Variants in NOVA2 observed in about 807,000 individuals in gnomAD.
The protein encoded by NOVA2 is RNA-binding protein Nova-2.
In NOVA2, 9 loss-of-function variants were observed where a neutral mutation model predicts 22.5. The observed-to-expected ratio is 0.40, with a 90% confidence interval of 0.24 to 0.70. NOVA2 has a LOEUF of 0.70. Among genes scored for constraint, NOVA2 ranks in the 30% least tolerant of loss-of-function variants. The pLI, the probability that NOVA2 is intolerant of heterozygous loss-of-function variation, is 0.38. For synonymous variants in NOVA2, 318 were observed against 335.2 expected (o/e 0.95, Z 0.56); for missense variants, 383 against 682.8 (o/e 0.56, Z 4.89).
At chr19:45,943,653 G>A (rs1967794748) in intron 3 of NOVA2, among the ~76,000 whole-genome samples, 2 of 151,738 alleles carry the variant, frequency 1.3e-5, no homozygotes, top group Non-Finnish European at 2.9e-5. Flanking sequence ...GGGAGGTATA[G>A]GCTACAGTGA....
chr19:45,960,937 C>T, intron 2 of NOVA2, 73 bp downstream of exon 2: 1 of 1,466,718 alleles, frequency 6.8e-7, no homozygotes, highest in South Asian at 1.3e-5. Context: ...TCCCCCTCAT[C>T]TAGGGCCCAG....
intron 1 of NOVA2, chr19:45,967,744 C>A (rs1968184638): frequency 6.6e-6 from 1 of 152,096 alleles, no homozygotes. Flanking sequence ...GAGTTTGAGA[C>A]CAGCCTGGCC....
At chr19:45,971,080 G>A (rs11882900) in intron 1 of NOVA2, among the ~76,000 whole-genome samples, 1,691 of 150,998 alleles carry the variant, frequency 0.011, 35 homozygotes, top group African/African-American at 0.039. Context: ...CCTTGGGCAA[G>A]CGGTTTCATT....
At chr19:45,941,511 C>T (rs186382773) in intron 3 of NOVA2, among the ~76,000 whole-genome samples, 40 of 152,046 alleles carry the variant, frequency 2.6e-4, no homozygotes, top group Admixed American at 1.3e-3. Context: ...CGCCCCAGGT[C>T]ATTCCCTACC....
Position 45,936,893 on chromosome 19 carries a change from A to G in NOVA2, c.*2970T>C, listed in dbSNP as rs1600591952. The G allele has an allele frequency of 9.1e-6, 1 of 110,348 alleles. No homozygotes were observed. Among genetic ancestry groups the G allele is most frequent in the African/African-American group, 3.2e-5 (1 of 31,220 alleles). The allele number at this position is 110,348 out of a possible 1,614,324, so 6.8% of individuals were successfully genotyped here. A position where few individuals can be genotyped will look rare whatever the true frequency, so the allele number is the denominator to read the frequency against. ...CGGATTGGCTAATAGGGAGACGGGG[A>G]AAAAAAAAGAGATGATGGGTTTTTC... On this transcript the variant is annotated 3_prime_UTR_variant, in exon 4 of 4. Coordinates refer to ENST00000263257, the MANE Select transcript of NOVA2 (RefSeq NM_002516.4).
At position 45,960,993 on chromosome 19, in the gene NOVA2, C is replaced by T. The variant is rs1235665875; in HGVS notation, c.229+17G>A. The T allele has an allele frequency of 6.4e-7, 1 of 1,567,240 alleles. No individual in the cohort carries two copies. The highest frequency in any genetic ancestry group is 2.4e-5 in the East Asian group (1 of 42,460). On this transcript the variant is annotated intron_variant, in intron 2 of 3. Transcript: ENST00000263257. ...AAGGGCGGGGGGCCTAGGGCAGAGA[C>T]CTGGGCCGGGGCTCACCGGGGTAGA...
chr19:45,949,427 T>C (rs35023045), intron 3 of NOVA2, among the ~76,000 whole-genome samples: 2,586 of 151,840 alleles, frequency 0.017, 80 homozygotes, highest in African/African-American at 0.06. Flanking sequence ...TAGTCTGTGA[T>C]GCAGTATTTT....
chr19:45,949,895 C>A (rs890990577), intron 3 of NOVA2, among the ~76,000 whole-genome samples: 1 of 151,960 alleles, frequency 6.6e-6, no homozygotes, highest in African/African-American at 2.4e-5. Flanking sequence ...CGCCTGCCAC[C>A]ATGTCTGGCT....
intron 2 of NOVA2, among the ~76,000 whole-genome samples, chr19:45,957,431 C>T (rs780093980): frequency 5.3e-5 from 8 of 151,808 alleles, no homozygotes; most frequent in East Asian, 3.9e-4. Context: ...CCCAGCTACT[C>T]GGGAGGCTGA....
chr19:45,947,529 A>G (rs1967860425), intron 3 of NOVA2, among the ~76,000 whole-genome samples: 1 of 150,734 alleles, frequency 6.6e-6, no homozygotes, highest in Admixed American at 6.6e-5. Context: ...GCTAGAGTGC[A>G]GTGGCGCAAT....
intron 3 of NOVA2, among the ~76,000 whole-genome samples, chr19:45,944,663 T>A (rs1967811229): frequency 6.6e-6 from 1 of 152,006 alleles, no homozygotes; most frequent in Non-Finnish European, 1.5e-5. Flanking sequence ...CTAGAAAAAA[T>A]TATGCTAAGT....
In NOVA2 at chr19:45,933,755, G is replaced by A. The variant is rs1967623369; in HGVS notation, c.*6108C>T. 6.7e-6 allele frequency: 1 copy of A among 148,626 alleles called. No individual in the cohort carries two copies. The highest frequency in any genetic ancestry group is 2.5e-5 in the African/African-American group (1 of 40,508). The allele number at this position is 148,626 out of a possible 1,614,324, so 9.2% of individuals were successfully genotyped here. On this transcript the variant is annotated 3_prime_UTR_variant, in exon 4 of 4. Coordinates refer to ENST00000263257, the MANE Select transcript of NOVA2 (RefSeq NM_002516.4). ...CAGATGCTGAGATGGCGTTTATCGCGGCAAAAAAAGGTGAAGTCGCCGAGG... is the reference window on the plus strand; with the variant it reads ...CAGATGCTGAGATGGCGTTTATCGCAGCAAAAAAAGGTGAAGTCGCCGAGG...
At chr19:45,967,023 T>G (rs1322464181) in intron 1 of NOVA2, among the ~76,000 whole-genome samples, 1 of 152,152 alleles carries the variant, frequency 6.6e-6, no homozygotes, top group African/African-American at 2.4e-5. Flanking sequence ...TGGACCACCT[T>G]AAATCATCTT....
intron 1 of NOVA2, among the ~76,000 whole-genome samples, chr19:45,961,723 G>A (rs1170895269): frequency 6.6e-6 from 1 of 152,186 alleles, no homozygotes; most frequent in Admixed American, 6.5e-5. Context: ...CCATCATACA[G>A]ATGAGGAAAC....
intron 1 of NOVA2, among the ~76,000 whole-genome samples, chr19:45,962,762 T>C (rs1266985514): frequency 1.3e-5 from 2 of 152,154 alleles, no homozygotes; most frequent in Non-Finnish European, 2.9e-5. Context: ...TTCCCCTGCC[T>C]CAGACTTCCG....
chr19:45,961,234 G>T, intron 1 of NOVA2, 81 bp from the exon 2 acceptor site: 1 of 886,594 alleles, frequency 1.1e-6, no homozygotes, highest in South Asian at 1.5e-5. Context: ...GGAAACCCCA[G>T]GGGTCACAGT....
Position 45,936,889 on chromosome 19 carries a change from G to A in NOVA2, c.*2974C>T, listed in dbSNP as rs1415232478. The A allele has an allele frequency of 6.1e-5, 9 of 147,060 alleles. No individual in the cohort carries two copies. Among genetic ancestry groups the A allele is most frequent in the African/African-American group, 1.2e-4 (5 of 40,234 alleles). The allele number at this position is 147,060 out of a possible 1,614,324, so 9.1% of individuals were successfully genotyped here. A position where few individuals can be genotyped will look rare whatever the true frequency, so the allele number is the denominator to read the frequency against. ...AGATCGGATTGGCTAATAGGGAGAC[G>A]GGGAAAAAAAAAGAGATGATGGGTT... On this transcript the variant is annotated 3_prime_UTR_variant, in exon 4 of 4. Coordinates refer to ENST00000263257, the MANE Select transcript of NOVA2 (RefSeq NM_002516.4).
intron 1 of NOVA2, among the ~76,000 whole-genome samples, chr19:45,966,023 C>T (rs1053830185): frequency 5.9e-5 from 9 of 152,066 alleles, no homozygotes; most frequent in South Asian, 2.1e-4. Context: ...GCACCCTATA[C>T]GTGGGGTTTG....
chr19:45,969,935 G>T (rs538421181), intron 1 of NOVA2, among the ~76,000 whole-genome samples: 2 of 152,264 alleles, frequency 1.3e-5, no homozygotes, highest in Admixed American at 1.3e-4. Flanking sequence ...CAGGAGTGGG[G>T]CAAGAATCTC....
Sources: allele counts gnomAD v4.1 joint callset (sites outside exome capture counted in the v4.1 genomes callset), GRCh38; gene constraint gnomAD v4.1.1; transcripts MANE v1.5; gene names NCBI Gene and HGNC (gene_info 2026-07-23, HGNC 2026-07-21).